TBC1D12: variants seen among roughly 807,000 people sequenced by gnomAD.
TBC1D12 encodes TBC1 domain family member 12.
Under a neutral mutation model 86.7 loss-of-function variants are expected in TBC1D12, and 56 were observed. The observed-to-expected ratio is 0.65, with a 90% CI of 0.52 to 0.81. TBC1D12 has a LOEUF of 0.81. TBC1D12 is among the 30% of genes least tolerant of loss of function. The pLI is 0.00. For missense variants in TBC1D12, 1,023 were observed against 1,038.8 expected (o/e 0.98, Z 0.21); for synonymous variants, 421 against 411.7 (o/e 1.02, Z -0.27).
intron 9 of TBC1D12, among the ~76,000 whole-genome samples, chr10:94,514,822 G>GT (rs1364202347): frequency 8.7e-5 from 13 of 149,016 alleles, no homozygotes; most frequent in Admixed American, 2.0e-4. Flanking sequence ...TCTATTTTTA[G>GT]TTTTTTTTGA....
rs922243678 is a variant in TBC1D12 at position 94,510,006 on chromosome 10, A to G, written c.1601-85A>G. On this transcript the variant is annotated intron_variant, in intron 7 of 12. Coordinates refer to ENST00000225235, the MANE Select transcript of TBC1D12 (RefSeq NM_015188.2). Reference sequence around the variant, plus strand: ...ATTCAGCTTTTAACTTAAATAACACATGCTGTGTGATCATTCTGTATTTAT... The same window carrying G: ...ATTCAGCTTTTAACTTAAATAACACGTGCTGTGTGATCATTCTGTATTTAT... The G allele has an allele frequency of 4.5e-6, 4 of 892,358 alleles. No individual in the cohort carries two copies. In the Admixed American group the frequency reaches 9.6e-5, roughly 21 times the overall value. The allele number at this position is 892,358 out of a possible 1,614,324, so 55.3% of individuals were successfully genotyped here.
At chr10:94,452,409 C>T (rs758591835) in intron 2 of TBC1D12, among the ~76,000 whole-genome samples, 2 of 152,100 alleles carry the variant, frequency 1.3e-5, no homozygotes, top group Non-Finnish European at 2.9e-5. Flanking sequence ...AGCATAGTTT[C>T]ACTACACTAA....
intron 2 of TBC1D12, among the ~76,000 whole-genome samples, chr10:94,464,894 A>G (rs887709040): frequency 6.6e-6 from 1 of 152,236 alleles, no homozygotes; most frequent in Non-Finnish European, 1.5e-5. Context: ...TCTTTAATGT[A>G]TGGCATAAAT....
At chr10:94,522,137 G>C in intron 10 of TBC1D12, 54 bp downstream of exon 10, 1 of 1,563,492 alleles carries the variant, frequency 6.4e-7, no homozygotes, top group South Asian at 1.2e-5. Flanking sequence ...CCCTCTTAGA[G>C]TGAAAAACAA....
Position 94,403,047 on chromosome 10 carries a change from A to G in TBC1D12, c.434A>G (p.Asp145Gly). 6.4e-7 allele frequency: 1 copy of G among 1,558,640 alleles called. No individual in the cohort carries two copies. The highest frequency in any genetic ancestry group is 8.6e-7 in the Non-Finnish European group (1 of 1,157,292). ...NGDSGFLPGR[D>G]CRDLEEARGL... is the part of the protein sequence containing the mutation. ...GACTCGGGTTTTCTGCCGGGCCGGG[A>G]CTGTCGCGATCTGGAAGAGGCTCGC... Residue 145 changes from aspartate to glycine, a missense_variant, in exon 1 of 13, where the codon GAC becomes GGC. Coordinates refer to ENST00000225235, the MANE Select transcript of TBC1D12 (RefSeq NM_015188.2).
chr10:94,504,149 T>C (rs954956085), intron 6 of TBC1D12, among the ~76,000 whole-genome samples: 9 of 152,332 alleles, frequency 5.9e-5, no homozygotes, highest in Admixed American at 5.2e-4. Flanking sequence ...TTTTTGAACA[T>C]ACTGTAATTG....
At chr10:94,426,316 T>G (rs1381458278) in intron 1 of TBC1D12, among the ~76,000 whole-genome samples, 1 of 152,178 alleles carries the variant, frequency 6.6e-6, no homozygotes, top group Non-Finnish European at 1.5e-5. Flanking sequence ...TTTTTTATCT[T>G]TATGTTTTGG....
intron 1 of TBC1D12, 29 bp downstream of exon 1, chr10:94,403,613 G>GCGGGCC (rs2054804636): frequency 4.2e-6 from 6 of 1,425,466 alleles, no homozygotes; most frequent in Non-Finnish European, 5.5e-6. Flanking sequence ...GGGACTCGGG[G>GCGGGCC]CGGGTCCGGG....
At chr10:94,465,851 C>T (rs1464660963) in intron 2 of TBC1D12, among the ~76,000 whole-genome samples, 1 of 150,856 alleles carries the variant, frequency 6.6e-6, no homozygotes, top group Non-Finnish European at 1.5e-5. Flanking sequence ...TATATACGTA[C>T]ATGCATACAT....
At position 94,495,667 on chromosome 10, in the gene TBC1D12, C is replaced by G. The variant is rs1012228294; in HGVS notation, c.1295-1388C>G. Among the ~76,000 whole-genome samples the G allele has an allele frequency of 3.3e-5, 5 of 151,914 alleles. 1 individual carries two copies. The highest frequency in any genetic ancestry group is 7.4e-5 in the Non-Finnish European group (5 of 68,016). On this transcript the variant is annotated intron_variant, in intron 4 of 12. Transcript: ENST00000225235. ...CAGGCCTGATGTTAGTTTTCTCATG[C>G]GTAACATGTGAGAGGCAGGTCAGCT...
chr10:94,489,520 G>A (rs2056218072), intron 3 of TBC1D12, among the ~76,000 whole-genome samples: 1 of 152,288 alleles, frequency 6.6e-6, no homozygotes, highest in African/African-American at 2.4e-5. Flanking sequence ...GCTTATTTGT[G>A]TGCAGATAGT....
At chr10:94,472,169 C>T (rs528711807) in intron 2 of TBC1D12, among the ~76,000 whole-genome samples, 1 of 152,282 alleles carries the variant, frequency 6.6e-6, no homozygotes, top group South Asian at 2.1e-4. Context: ...CTTTGGGAGA[C>T]AGGGCGAGAG....
intron 1 of TBC1D12, among the ~76,000 whole-genome samples, chr10:94,415,470 A>G (rs958957418): frequency 3.9e-4 from 60 of 152,316 alleles, no homozygotes; most frequent in Admixed American, 6.5e-4. Context: ...CCGGTGGCTC[A>G]TGCCTGCAAT....
At chr10:94,410,497 T>C (rs1234184088) in intron 1 of TBC1D12, among the ~76,000 whole-genome samples, 1 of 152,210 alleles carries the variant, frequency 6.6e-6, no homozygotes, top group Non-Finnish European at 1.5e-5. Flanking sequence ...CACCTCTGCC[T>C]CCCAAAGTGC....
intron 1 of TBC1D12, among the ~76,000 whole-genome samples, chr10:94,415,445 T>C (rs2134054946): frequency 6.6e-6 from 1 of 152,182 alleles, no homozygotes; most frequent in Middle Eastern, 3.4e-3. Context: ...TAAAGACTAA[T>C]AAAACTAGCC....
chr10:94,531,365 T>C lies in TBC1D12; in HGVS notation c.2164T>C (p.Phe722Leu). 1 of 1,614,162 alleles carries C rather than the reference T, an allele frequency of 6.2e-7. No homozygotes were observed. The highest frequency in any genetic ancestry group is 8.5e-7 in the Non-Finnish European group (1 of 1,180,010). Residue 722 changes from phenylalanine (F) to leucine (L), a missense_variant, in exon 12 of 13, where the codon TTT becomes CTT. Physicochemically the swap from Phe to Leu is conservative, Grantham distance 22 (BLOSUM62 0). Transcript: ENST00000225235. ...GATGGACTTTATTCATATAGCACAG[T>C]TTCTAACTAAATTGCCAGAAGATAT... The part of the protein sequence containing the change: ...LQMDFIHIAQ[F>L]LTKLPEDITS...
chr10:94,532,954 A>G (rs1842468394), intron 12 of TBC1D12, 74 bp from the exon 13 acceptor site: 2 of 833,710 alleles, frequency 2.4e-6, no homozygotes, highest in African/African-American at 1.8e-5. Context: ...ATGTTTATGA[A>G]CTATAGTTAT....
At chr10:94,518,016 G>T (rs999413132) in intron 9 of TBC1D12, among the ~76,000 whole-genome samples, 1 of 151,900 alleles carries the variant, frequency 6.6e-6, no homozygotes, top group Non-Finnish European at 1.5e-5. Flanking sequence ...AGCCAGGTGT[G>T]GTGGCATAGG....
chr10:94,533,142 G>T lies in TBC1D12; in HGVS notation c.*46G>T. On this transcript the variant is annotated 3_prime_UTR_variant, in exon 13 of 13. Transcript: ENST00000225235. ...ACTGACATAGAAAAAGTGGTTTTTG[G>T]ATAAAGGTTTTTTGTTTCCTATGTA... The T allele has an allele frequency of 7.7e-7, 1 of 1,297,874 alleles. No homozygotes were observed. 80.4% of individuals were successfully genotyped at this position (1,297,874 alleles called of 1,614,324 possible). A position where few individuals can be genotyped will look rare whatever the true frequency, so the allele number is the denominator to read the frequency against.
Sources: gnomAD v4.1 joint callset for allele counts (sites outside exome capture counted in the v4.1 genomes callset) on GRCh38, gnomAD v4.1.1 for gene constraint, MANE v1.5 for transcripts, NCBI Gene and HGNC (gene_info 2026-07-23, HGNC 2026-07-21) for gene names.